Variants in CYB5A observed in about 807,000 individuals in gnomAD.
CYB5A encodes cytochrome b5 type A.
A neutral mutation model predicts 16.2 loss-of-function variants in CYB5A; 10 were observed. The ratio of observed to expected loss-of-function variants is 0.62; its 90% CI spans 0.38 to 1.04. The LOEUF (loss-of-function observed/expected upper bound fraction) is 1.04. Ranked by LOEUF, CYB5A falls within the 50% of genes least tolerant of loss-of-function variation. The pLI, the probability that CYB5A is intolerant of heterozygous loss-of-function variation, is 0.01. For synonymous variants in CYB5A, 62 were observed against 57.0 expected (o/e 1.09, Z -0.40); for missense variants, 161 against 165.9 (o/e 0.97, Z 0.16).
At chr18:74,273,521 A>G (rs1982751492) in intron 1 of CYB5A, among the ~76,000 whole-genome samples, 1 of 152,232 alleles carries the variant, frequency 6.6e-6, no homozygotes, top group African/African-American at 2.4e-5. Context: ...CCAAGCCAGT[A>G]TTTTCAGATA....
chr18:74,256,837 C>T, intron 3 of CYB5A: 1 of 1,613,972 alleles, frequency 6.2e-7, no homozygotes, highest in Non-Finnish European at 8.5e-7. Context: ...AACCTTGAAA[C>T]ACCGCCTTTA....
intron 3 of CYB5A, chr18:74,256,057 C>T (rs1568213388): frequency 2.6e-6 from 1 of 386,556 alleles, no homozygotes; most frequent in East Asian, 5.2e-5. Flanking sequence ...ACACGCTAGG[C>T]ATCTAAATAA....
At chr18:74,279,581 G>A (rs1983012351) in intron 1 of CYB5A, among the ~76,000 whole-genome samples, 1 of 151,926 alleles carries the variant, frequency 6.6e-6, no homozygotes, top group African/African-American at 2.4e-5. Flanking sequence ...AGAGATAATA[G>A]AATAGCCTAC....
chr18:74,273,106 A>G (rs1477397028), intron 1 of CYB5A, among the ~76,000 whole-genome samples: 1 of 152,218 alleles, frequency 6.6e-6, no homozygotes, highest in Non-Finnish European at 1.5e-5. Flanking sequence ...CGTACACACA[A>G]AAATGAAAGG....
chr18:74,253,711 G>T, intron 4 of CYB5A, 46 bp from the exon 5 acceptor site: 1 of 1,310,720 alleles, frequency 7.6e-7, no homozygotes, highest in Non-Finnish European at 1.1e-6. Context: ...TGTGCACTGT[G>T]GTGGACTCAA....
intron 1 of CYB5A, among the ~76,000 whole-genome samples, chr18:74,269,353 C>T (rs761829835): frequency 5.9e-5 from 9 of 152,194 alleles, no homozygotes; most frequent in Non-Finnish European, 8.8e-5. Context: ...TGATCGTCTA[C>T]GTGTCTAAAC....
intron 1 of CYB5A, among the ~76,000 whole-genome samples, chr18:74,285,754 C>T (rs1002512158): frequency 6.7e-6 from 1 of 150,048 alleles, no homozygotes; most frequent in African/African-American, 2.5e-5. Flanking sequence ...CCAGCTATTC[C>T]AGAGGGAGGA....
chr18:74,291,670 G>GA, intron 1 of CYB5A, 77 bp downstream of exon 1: 1 of 1,604,516 alleles, frequency 6.2e-7, no homozygotes, highest in African/African-American at 1.3e-5. Context: ...TCCGGGCCGC[G>GA]AAAGACAGGT....
chr18:74,291,784 T>G lies in CYB5A; in HGVS notation c.92A>C (p.His31Pro). The change falls in exon 1 of 5, where the codon CAC becomes CCC. Residue 31 changes from histidine (H) to proline (P), a missense_variant. Physicochemically the swap from His to Pro is moderately conservative, Grantham distance 77 (BLOSUM62 -2). Coordinates refer to ENST00000340533, the MANE Select transcript of CYB5A (RefSeq NM_148923.4). ...NHSKSTWLIL[H>P]HKVYDLTKFL... Reference sequence around the variant, plus strand: ...TTTGGTCAAATCGTACACCTTGTGGTGCAGGATCAGCCAGGTGCTCTTGCT... The same window carrying G: ...TTTGGTCAAATCGTACACCTTGTGGGGCAGGATCAGCCAGGTGCTCTTGCT... 2 of 1,613,894 alleles carry G rather than the reference T, an allele frequency of 1.2e-6. No homozygotes were observed. Among genetic ancestry groups the G allele is most frequent in the Non-Finnish European group, 1.7e-6 (2 of 1,179,806 alleles).
intron 3 of CYB5A, chr18:74,255,982 C>G (rs770320276): frequency 3.5e-6 from 2 of 564,040 alleles, no homozygotes; most frequent in Non-Finnish European, 6.3e-6. Context: ...ATTATATTTA[C>G]TTAAGGACAT....
At chr18:74,263,241 T>G in intron 2 of CYB5A, 108 bp downstream of exon 2, 1 of 1,449,490 alleles carries the variant, frequency 6.9e-7, no homozygotes, top group Non-Finnish European at 9.6e-7. Flanking sequence ...AGGAGTTGTT[T>G]TTGCTTTACT....
chr18:74,281,384 C>A (rs975071798), intron 1 of CYB5A, among the ~76,000 whole-genome samples: 1 of 152,190 alleles, frequency 6.6e-6, no homozygotes, highest in Non-Finnish European at 1.5e-5. Context: ...ACTGTGTGAG[C>A]CTGCCAAAGC....
chr18:74,263,255 TTTAAAATGTGTATACATGCAAGC>T, intron 2 of CYB5A, 71 bp downstream of exon 2: 1 of 1,555,018 alleles, frequency 6.4e-7, no homozygotes, highest in Non-Finnish European at 8.9e-7. Flanking sequence ...CTTTACTCCT[TTTAAAATGTGTATACATGCAAGC>T]TTACAGACTA....
chr18:74,256,719 C>T (rs560031990), intron 3 of CYB5A: 39 of 950,478 alleles, frequency 4.1e-5, no homozygotes, highest in Non-Finnish European at 5.9e-5. Context: ...AAACAATCAG[C>T]GGCCTGCAGT....
intron 2 of CYB5A, 107 bp downstream of exon 2, chr18:74,263,242 T>G (rs1982284241): frequency 6.9e-7 from 1 of 1,454,402 alleles, no homozygotes; most frequent in Non-Finnish European, 9.6e-7. Context: ...GGAGTTGTTT[T>G]TGCTTTACTC....
chr18:74,253,481 T>C lies in CYB5A; in HGVS notation c.*103A>G. ...AAAAGAAAGAGATATATTAAAATCATTGTTTTCAAGTGAAGGTTTCTGTCA... is the reference window on the plus strand; with the variant it reads ...AAAAGAAAGAGATATATTAAAATCACTGTTTTCAAGTGAAGGTTTCTGTCA... On this transcript the variant is annotated 3_prime_UTR_variant, in exon 5 of 5. Coordinates refer to ENST00000340533, the MANE Select transcript of CYB5A (RefSeq NM_148923.4). 5 of 719,952 alleles carry C rather than the reference T, an allele frequency of 6.9e-6. No homozygotes were observed. The highest frequency in any genetic ancestry group is 3.0e-5 in the South Asian group (2 of 65,980). The allele number at this position is 719,952 out of a possible 1,614,324, so 44.6% of individuals were successfully genotyped here.
chr18:74,257,527 A>G (rs1982033551), intron 3 of CYB5A: 1 of 152,548 alleles, frequency 6.6e-6, no homozygotes, highest in Non-Finnish European at 1.5e-5. Context: ...AGCAATGAAC[A>G]AGGAGAAAGA....
intron 1 of CYB5A, among the ~76,000 whole-genome samples, chr18:74,278,196 G>A (rs528212772): frequency 2.6e-5 from 4 of 152,262 alleles, no homozygotes; most frequent in Middle Eastern, 3.4e-3. Context: ...GGGAATGAAC[G>A]CAGGCCGCCT....
chr18:74,263,386 T>A lies in CYB5A; in HGVS notation c.221A>T (p.Glu74Val). 6.2e-7 allele frequency: 1 copy of A among 1,614,128 alleles called. No individual in the cohort carries two copies. Among genetic ancestry groups the A allele is most frequent in the Non-Finnish European group, 8.5e-7 (1 of 1,180,008 alleles). ...CCCAATGATGAATGTTTTGGACATT[T>A]CCCTGGCATCTGTAGAGTGCCCGAC... Reference protein sequence around the residue: ...EDVGHSTDAREMSKTFIIGEL... With the variant: ...EDVGHSTDARVMSKTFIIGEL... Residue 74 changes from glutamate (E) to valine (V), a missense_variant, in exon 2 of 5, where the codon GAA becomes GTA. By Grantham distance (121) the Glu-to-Val change is moderately radical. Coordinates refer to ENST00000340533, the MANE Select transcript of CYB5A (RefSeq NM_148923.4).
Sources: allele counts gnomAD v4.1 joint callset (sites outside exome capture counted in the v4.1 genomes callset), GRCh38; gene constraint gnomAD v4.1.1; transcripts MANE v1.5; gene names NCBI Gene and HGNC (gene_info 2026-07-23, HGNC 2026-07-21).